MYO16: variants seen among roughly 807,000 people sequenced by gnomAD.
MYO16 encodes myosin XVI.
MYO16 carries 94 observed loss-of-function variants against 205.3 expected under a neutral mutation model. That is an observed-to-expected ratio of 0.46 (90% CI 0.39 to 0.54). MYO16 has a LOEUF of 0.54. Among genes scored for constraint, MYO16 ranks in the 20% least tolerant of loss-of-function variants. The pLI is 0.00. For synonymous variants in MYO16, 988 were observed against 954.0 expected, an observed-to-expected ratio of 1.04 and a Z score of -0.66; for missense variants, 2,315 against 2,387.5, an observed-to-expected ratio of 0.97 and a Z score of 0.63.
At chr13:108,899,257 C>G (rs1880591397) in intron 15 of MYO16, among the ~76,000 whole-genome samples, 1 of 152,022 alleles carries the variant, frequency 6.6e-6, no homozygotes, top group South Asian at 2.1e-4. Flanking sequence ...AACCCCGTCT[C>G]TACTAAAAAT....
intron 33 of MYO16, among the ~76,000 whole-genome samples, chr13:109,171,965 GC>G (rs1352769989): frequency 1.3e-5 from 2 of 152,084 alleles, no homozygotes; most frequent in Non-Finnish European, 2.9e-5. Flanking sequence ...GCTTCCTAAG[GC>G]AAAAGGTTGG....
intron 4 of MYO16, among the ~76,000 whole-genome samples, chr13:108,750,845 A>G (rs1307329292): frequency 4.6e-5 from 7 of 151,986 alleles, no homozygotes; most frequent in Non-Finnish European, 1.0e-4. Flanking sequence ...ACACATGTAC[A>G]CTGGAAGCGG....
At chr13:108,770,188 T>C (rs1462492367) in intron 4 of MYO16, among the ~76,000 whole-genome samples, 1 of 152,154 alleles carries the variant, frequency 6.6e-6, no homozygotes, top group Non-Finnish European at 1.5e-5. Flanking sequence ...TCAATAAATA[T>C]TTTCAATAAA....
chr13:109,150,272 T>G (rs535291285), intron 32 of MYO16, among the ~76,000 whole-genome samples: 1 of 152,240 alleles, frequency 6.6e-6, no homozygotes, highest in South Asian at 2.1e-4. Context: ...GAAACCGACA[T>G]CGGTAACAGC....
At chr13:109,164,346 G>A (rs376880055) in intron 32 of MYO16, among the ~76,000 whole-genome samples, 4 of 152,022 alleles carry the variant, frequency 2.6e-5, no homozygotes, top group South Asian at 2.1e-4. Flanking sequence ...TTTCGTGTTC[G>A]TACCTCTCAA....
At chr13:109,138,128 C>G (rs1168546654) in intron 31 of MYO16, among the ~76,000 whole-genome samples, 1 of 152,176 alleles carries the variant, frequency 6.6e-6, no homozygotes, top group Non-Finnish European at 1.5e-5. Context: ...GCCCAGATCC[C>G]TCTGATTCCA....
intron 1 of MYO16, among the ~76,000 whole-genome samples, chr13:108,601,372 T>C (rs1878756370): frequency 6.6e-6 from 1 of 152,074 alleles, no homozygotes; most frequent in Non-Finnish European, 1.5e-5. Context: ...AATAGATATT[T>C]TTAAAAAATG....
chr13:109,081,083 C>T lies in MYO16; in HGVS notation c.3336-19702C>T, dbSNP rs570593014. Among the ~76,000 whole-genome samples the T allele has an allele frequency of 2.6e-5, 4 of 152,030 alleles. No homozygotes were observed. The South Asian group carries it at 6.2e-4, about 24-fold the overall frequency. On this transcript the variant is annotated intron_variant, in intron 27 of 34. Transcript: ENST00000457511. ...ATTTTATTTATATATTATAGATAAACACACATACATAGACATATATATGTG... is the reference window on the plus strand; with the variant it reads ...ATTTTATTTATATATTATAGATAAATACACATACATAGACATATATATGTG...
intron 33 of MYO16, among the ~76,000 whole-genome samples, chr13:109,173,634 G>A (rs572701982): frequency 2.6e-5 from 4 of 152,196 alleles, no homozygotes; most frequent in African/African-American, 7.2e-5. Context: ...GGTGGCTCAC[G>A]CCTGTAACCC....
intron 22 of MYO16, among the ~76,000 whole-genome samples, chr13:109,017,294 C>A (rs1885862469): frequency 6.6e-6 from 1 of 152,116 alleles, no homozygotes; most frequent in South Asian, 2.1e-4. Context: ...ATATTGACCC[C>A]CACTCTCTTC....
chr13:108,881,040 G>T (rs772869124), intron 12 of MYO16, among the ~76,000 whole-genome samples: 1 of 152,200 alleles, frequency 6.6e-6, no homozygotes, highest in Non-Finnish European at 1.5e-5. Context: ...ACACCTCCCA[G>T]TAGCGGATGA....
chr13:108,608,382 T>C (rs1469046727), intron 1 of MYO16, among the ~76,000 whole-genome samples: 2 of 152,124 alleles, frequency 1.3e-5, no homozygotes, highest in Admixed American at 1.3e-4. Flanking sequence ...CCTAGGAGCC[T>C]TCCCCAACTA....
At chr13:108,972,349 GCCAT>G (rs1884071779) in intron 20 of MYO16, among the ~76,000 whole-genome samples, 1 of 4,218 alleles carries the variant, frequency 2.4e-4, no homozygotes, top group Non-Finnish European at 4.1e-4. Context: ...TATATATATA[GCCAT>G]ATATATATAT....
chr13:109,134,591 G>C (rs1202339562), intron 31 of MYO16, among the ~76,000 whole-genome samples: 1 of 152,198 alleles, frequency 6.6e-6, no homozygotes, highest in Non-Finnish European at 1.5e-5. Context: ...GTCTCTCTCT[G>C]TCTGTGTGGT....
rs1884885720 is a variant in MYO16, at chr13:108,740,934, A to T, written c.507+13351A>T. ...CTGTGGGCGTGGGACCCTCTGAGCC[A>T]TGTTGGGGATATAATCTCCTGGTGT... On this transcript the variant is annotated intron_variant, in intron 4 of 34. Transcript: ENST00000457511. Among the ~76,000 whole-genome samples, 4 of 152,140 alleles carry T rather than the reference A, an allele frequency of 2.6e-5. No individual in the cohort carries two copies. The South Asian group carries it at 6.2e-4, about 24-fold the overall frequency.
At chr13:108,549,515 T>C in the MYO16 span, among the ~76,000 whole-genome samples, 1 of 152,154 alleles carries the variant, frequency 6.6e-6, no homozygotes, top group African/African-American at 2.4e-5. Context: ...TGTGATAATT[T>C]GTTACAGTAA....
chr13:108,594,753 T>A (rs1878495789), upstream of MYO16, among the ~76,000 whole-genome samples: 1 of 152,210 alleles, frequency 6.6e-6, no homozygotes, highest in African/African-American at 2.4e-5. Context: ...CAGCCCAGTG[T>A]TGCTGAGCGA....
At chr13:108,669,938 C>G (rs117126470) in intron 2 of MYO16, among the ~76,000 whole-genome samples, 1 of 151,886 alleles carries the variant, frequency 6.6e-6, no homozygotes, top group African/African-American at 2.4e-5. Flanking sequence ...TGGGTGGTAA[C>G]GGGAGGGAGA....
At chr13:108,840,143 G>A (rs944195093) in intron 9 of MYO16, among the ~76,000 whole-genome samples, 4 of 152,160 alleles carry the variant, frequency 2.6e-5, no homozygotes, top group Non-Finnish European at 4.4e-5. Context: ...ACTGTACCAT[G>A]CTATCTCATG....
Sources: gnomAD v4.1 joint callset for allele counts (sites outside exome capture counted in the v4.1 genomes callset) on GRCh38, gnomAD v4.1.1 for gene constraint, MANE v1.5 for transcripts, NCBI Gene and HGNC (gene_info 2026-07-23, HGNC 2026-07-21) for gene names.